EPB41L5: variants seen among roughly 807,000 people sequenced by gnomAD.
EPB41L5 encodes erythrocyte membrane protein band 4.1 like 5, also known as band 4.1-like protein 5.
A neutral mutation model predicts 106.6 loss-of-function variants in EPB41L5; 55 were observed. The ratio of observed to expected loss-of-function variants is 0.52; its 90% CI spans 0.42 to 0.65. The LOEUF is 0.65. Among genes scored for constraint, EPB41L5 ranks in the 30% least tolerant of loss-of-function variants. The probability of loss-of-function intolerance (pLI) is 0.00; values close to 1 mark genes in which losing one functional copy is unlikely to be tolerated. For synonymous variants in EPB41L5, 297 were observed against 306.7 expected, an observed-to-expected ratio of 0.97 and a Z score of 0.33; for missense variants, 871 against 882.1, an observed-to-expected ratio of 0.99 and a Z score of 0.16.
chr2:120,104,658 T>C, intron 16 of EPB41L5: 1 of 986,230 alleles, frequency 1.0e-6, no homozygotes. Context: ...CTAGGCATAA[T>C]ATATCAGCCT....
intron 16 of EPB41L5, among the ~76,000 whole-genome samples, chr2:120,125,561 C>G (rs1051744070): frequency 2.0e-5 from 3 of 152,170 alleles, no homozygotes; most frequent in African/African-American, 4.8e-5. Flanking sequence ...GAGTAAGATG[C>G]CTTTCTCCAC....
rs115330468 is a variant in EPB41L5 at position 120,036,903 on chromosome 2, C to G, written c.181-5103C>G. 4.0e-3 allele frequency among the ~76,000 whole-genome samples: 613 copies of G among 152,092 alleles called. 4 individuals carry two copies. Among genetic ancestry groups the G allele is most frequent in the Middle Eastern group, 0.014 (4 of 292 alleles). On this transcript the variant is annotated intron_variant, in intron 2 of 24. Coordinates refer to ENST00000263713, the MANE Select transcript of EPB41L5 (RefSeq NM_020909.4). ...AAATGAAATTCAAAAGTAGGAGTTC[C>G]TTTTTCCCCTAAGATCAGGAACAAG...
At chr2:120,135,926 A>T (rs138020530) in intron 18 of EPB41L5, among the ~76,000 whole-genome samples, 1 of 152,276 alleles carries the variant, frequency 6.6e-6, no homozygotes, top group African/African-American at 2.4e-5. Flanking sequence ...AATGGTATGT[A>T]CACTAACAAA....
chr2:120,075,856 CTGTTTTTGTATAAACT>C (rs1297306344), intron 7 of EPB41L5, 103 bp downstream of exon 7: 7 of 945,782 alleles, frequency 7.4e-6, no homozygotes, highest in South Asian at 4.1e-5. Flanking sequence ...AGAAACAACA[CTGTTTTTGTATAAACT>C]TGTATCAGGG....
intron 18 of EPB41L5, among the ~76,000 whole-genome samples, chr2:120,140,294 G>T (rs922145446): frequency 6.6e-6 from 1 of 151,866 alleles, no homozygotes; most frequent in East Asian, 1.9e-4. Flanking sequence ...AAAAATAACG[G>T]TATAATTGGA....
At chr2:120,127,530 T>G (rs1685512208) in intron 16 of EPB41L5, among the ~76,000 whole-genome samples, 158 bp from the exon 17 acceptor site, 2 of 152,250 alleles carry the variant, frequency 1.3e-5, no homozygotes. Context: ...AAACTGTATT[T>G]TTAAATGTTT....
chr2:120,078,438 T>C (rs1178482162), intron 9 of EPB41L5, 55 bp from the exon 10 acceptor site: 3 of 1,161,262 alleles, frequency 2.6e-6, no homozygotes, highest in African/African-American at 1.6e-5. Flanking sequence ...GTTGTGTCAA[T>C]GTGAAACCTG....
At chr2:120,081,348 C>T (rs890019673) in intron 10 of EPB41L5, among the ~76,000 whole-genome samples, 3 of 152,132 alleles carry the variant, frequency 2.0e-5, no homozygotes, top group Non-Finnish European at 4.4e-5. Context: ...TTTCCCGGCA[C>T]CATTTATTAA....
chr2:120,159,443 A>G (rs1687047739), intron 20 of EPB41L5, among the ~76,000 whole-genome samples: 2 of 137,220 alleles, frequency 1.5e-5, no homozygotes, highest in Admixed American at 1.5e-4. Context: ...AAAAAAAAAA[A>G]GTGACAATCA....
chr2:120,102,395 A>C (rs1359309598), intron 16 of EPB41L5, among the ~76,000 whole-genome samples: 3 of 152,172 alleles, frequency 2.0e-5, no homozygotes, highest in Non-Finnish European at 4.4e-5. Context: ...GAGTAAAGTG[A>C]TGCTCTTTAT....
At chr2:120,135,268 G>C (rs1351548601) in intron 18 of EPB41L5, among the ~76,000 whole-genome samples, 1 of 151,726 alleles carries the variant, frequency 6.6e-6, no homozygotes, top group African/African-American at 2.4e-5. Context: ...GAGGAGACAA[G>C]AAAAAAATGA....
At chr2:120,101,557 A>G (rs1220831870) in intron 16 of EPB41L5, 1 of 152,178 alleles carries the variant, frequency 6.6e-6, no homozygotes, top group African/African-American at 2.4e-5. Flanking sequence ...TTGATAATTC[A>G]TAGGATTTTT....
At chr2:120,165,715 C>T (rs1324393456) in intron 22 of EPB41L5, among the ~76,000 whole-genome samples, 2 of 152,072 alleles carry the variant, frequency 1.3e-5, no homozygotes, top group East Asian at 3.9e-4. Flanking sequence ...CGCCTGTAAT[C>T]CCAGCACTTT....
chr2:120,050,931 C>G (rs940783138), intron 3 of EPB41L5, among the ~76,000 whole-genome samples: 2 of 152,144 alleles, frequency 1.3e-5, no homozygotes, highest in Non-Finnish European at 2.9e-5. Context: ...TACTACATAC[C>G]CTGTTTGCCT....
At chr2:120,150,344 G>C (rs999541921) in intron 20 of EPB41L5, among the ~76,000 whole-genome samples, 2 of 151,090 alleles carry the variant, frequency 1.3e-5, no homozygotes, top group Non-Finnish European at 2.9e-5. Context: ...ATTTTTTAGA[G>C]ACATTATTGC....
Position 120,093,251 on chromosome 2 carries a change from T to C in EPB41L5, c.1153T>C (p.Cys385Arg), listed in dbSNP as rs201920312. The C allele has an allele frequency of 6.1e-5, 98 of 1,613,484 alleles. No individual in the cohort carries two copies. Among genetic ancestry groups the C allele is most frequent in the Non-Finnish European group, 7.5e-5 (89 of 1,179,530 alleles). ...TGTTATCTTTTTTCTTCTGTTAGCA[T>C]GTGCTACAAAACCTGAAGAACTTAG... is the stretch of plus-strand genomic sequence containing the variant. Reference protein sequence around the residue: ...YSRRTLQMKACATKPEELSVH... With the variant: ...YSRRTLQMKARATKPEELSVH... The change falls in exon 14 of 25, where the codon TGT becomes CGT. Residue 385 changes from cysteine to arginine, a missense_variant and splice_region_variant. Physicochemically the swap from Cys to Arg is radical, Grantham distance 180. Transcript: ENST00000263713.
At chr2:120,127,884 C>T in intron 17 of EPB41L5, 33 bp downstream of exon 17, 1 of 1,487,164 alleles carries the variant, frequency 6.7e-7, no homozygotes, top group Non-Finnish European at 9.1e-7. Context: ...ATCAGTGATA[C>T]CTTTTTATCT....
intron 19 of EPB41L5, among the ~76,000 whole-genome samples, chr2:120,143,522 A>T (rs1395292210): frequency 2.0e-5 from 3 of 152,222 alleles, no homozygotes; most frequent in East Asian, 3.9e-4. Flanking sequence ...TGAAGGATGG[A>T]GGGGGTAGGG....
chr2:120,074,090 T>TA lies in EPB41L5; in HGVS notation c.329-7dup, dbSNP rs777278484. On this transcript the variant is annotated splice_polypyrimidine_tract_variant and intron_variant, in intron 4 of 24. Transcript: ENST00000263713. ...ATTTTATTAAAACCTTTTTTTTTTT[T>TA]AAATGACAGTTGGTTCACCCTATTG... 1.9e-6 allele frequency: 3 copies of TA among 1,564,176 alleles called. No homozygotes were observed. In the South Asian group the frequency reaches 3.6e-5, roughly 19 times the overall value.
Sources: allele counts gnomAD v4.1 joint callset (sites outside exome capture counted in the v4.1 genomes callset), GRCh38; gene constraint gnomAD v4.1.1; transcripts MANE v1.5; gene names NCBI Gene and HGNC (gene_info 2026-07-23, HGNC 2026-07-21).